The following MEGF6 variants were observed in gnomAD, a reference collection of about 807,000 sequenced individuals.
MEGF6 encodes multiple EGF like domains 6, also known as multiple epidermal growth factor-like domains protein 6.
A neutral mutation model predicts 207.1 loss-of-function variants in MEGF6; 184 were observed. The observed-to-expected ratio is 0.89, with a 90% CI of 0.79 to 1.00. The LOEUF (loss-of-function observed/expected upper bound fraction) is 1.00. MEGF6 is among the 50% of genes least tolerant of loss of function. The pLI is 0.00. For synonymous variants in MEGF6, 1,038 were observed against 910.0 expected (o/e 1.14, Z -2.53); for missense variants, 2,282 against 2,202.9 (o/e 1.04, Z -0.72).
At chr1:3,491,370 G>C (rs373652815) in intron 35 of MEGF6, among the ~76,000 whole-genome samples, 23 of 152,110 alleles carry the variant, frequency 1.5e-4, no homozygotes, top group African/African-American at 5.5e-4. Context: ...GCCGGCAGCC[G>C]GCGGTGCAGT....
At chr1:3,497,383 G>T in intron 26 of MEGF6, 22 bp from the exon 27 acceptor site, 1 of 1,515,740 alleles carries the variant, frequency 6.6e-7, no homozygotes, top group East Asian at 2.4e-5. Context: ...TGAGGGCTGC[G>T]GAGGCTTCTA....
intron 5 of MEGF6, among the ~76,000 whole-genome samples, chr1:3,516,329 G>C (rs530687378): frequency 7.8e-4 from 119 of 152,356 alleles, no homozygotes; most frequent in African/African-American, 2.6e-3. Context: ...CCTCAGCGGG[G>C]GTTTGGTTAC....
intron 21 of MEGF6, 54 bp downstream of exon 21, chr1:3,500,579 G>A (rs760074431): frequency 2.1e-5 from 32 of 1,514,178 alleles, no homozygotes; most frequent in Non-Finnish European, 2.7e-5. Context: ...GTGTGCATAT[G>A]TGTGCGTGTG....
intron 4 of MEGF6, among the ~76,000 whole-genome samples, chr1:3,578,528 A>T (rs1643703745): frequency 7.4e-6 from 1 of 135,782 alleles, no homozygotes. Flanking sequence ...ATGACAGGGC[A>T]GGGGCCCTGG....
intron 21 of MEGF6, 69 bp downstream of exon 21, chr1:3,500,564 T>G: frequency 6.7e-7 from 1 of 1,484,206 alleles, no homozygotes; most frequent in Non-Finnish European, 9.0e-7. Context: ...TTTGTGTGTG[T>G]GCACGTGTGC....
At chr1:3,607,579 A>G (rs2821021) in intron 1 of MEGF6, among the ~76,000 whole-genome samples, 53,280 of 152,060 alleles carry the variant, frequency 0.35, 9,619 homozygotes, top group African/African-American at 0.42. Context: ...GAGGATGGAG[A>G]AGGTGGCAGG....
intron 1 of MEGF6, among the ~76,000 whole-genome samples, chr1:3,605,569 C>A (rs1213817481): frequency 6.6e-6 from 1 of 151,170 alleles, no homozygotes; most frequent in Non-Finnish European, 1.5e-5. Context: ...CATACACTCA[C>A]ATACACACAC....
chr1:3,614,020 T>G (rs371970039), upstream of MEGF6, among the ~76,000 whole-genome samples: 331 of 152,326 alleles, frequency 2.2e-3, 2 homozygotes, highest in African/African-American at 7.6e-3. Context: ...TGGAAATCCC[T>G]GCGGTCAGGA....
At chr1:3,599,173 G>A (rs1423278864) in intron 2 of MEGF6, among the ~76,000 whole-genome samples, 1 of 152,236 alleles carries the variant, frequency 6.6e-6, no homozygotes, top group Admixed American at 6.5e-5. Flanking sequence ...GCCTGGGGAG[G>A]GGGCTCATCT....
rs1356065763 is a variant in MEGF6, at chr1:3,507,979, C to A, written c.1661-56G>T. ...CACCAGCCAGCACGACACTCTGAGA[C>A]CCCTTCCTAGGGTTGGAGGCTTGGG... On this transcript the variant is annotated intron_variant, in intron 13 of 36. Transcript: ENST00000356575. The A allele has an allele frequency of 1.8e-5, 29 of 1,576,886 alleles. No individual in the cohort carries two copies. In the East Asian group the frequency reaches 5.2e-4, roughly 28 times the overall value.
At chr1:3,529,985 T>C (rs747939506) in intron 4 of MEGF6, among the ~76,000 whole-genome samples, 3 of 152,184 alleles carry the variant, frequency 2.0e-5, no homozygotes, top group South Asian at 4.1e-4. Flanking sequence ...CCATTACCTA[T>C]GGGCCCTTCT....
rs1643313770 is a variant in MEGF6, at chr1:3,565,339, C to T, written c.481+14486G>A. ...AGACCCCACTCTGCCCCAGAGTTCA[C>T]CAAGTTCCCTTCCTAGCTGGACCTT... On this transcript the variant is annotated intron_variant, in intron 4 of 36. Transcript: ENST00000356575. This position sits in a 1 kb window ranked among gnomAD's most constrained non-coding sequence, Gnocchi z 4.8. Among the ~76,000 whole-genome samples the T allele has an allele frequency of 6.6e-6, 1 of 150,444 alleles. No homozygotes were observed. Among genetic ancestry groups the T allele is most frequent in the South Asian group, 2.1e-4 (1 of 4,828 alleles).
At chr1:3,514,799 G>C in intron 6 of MEGF6, 127 bp from the exon 7 acceptor site, 1 of 1,142,656 alleles carries the variant, frequency 8.8e-7, no homozygotes, top group Non-Finnish European at 1.2e-6. Flanking sequence ...CAGGCTGATG[G>C]GCTGGGCAGC....
Position 3,573,545 on chromosome 1 carries a change from C to G in MEGF6, c.481+6280G>C, listed in dbSNP as rs1423288290. On this transcript the variant is annotated intron_variant, in intron 4 of 36. Transcript: ENST00000356575. This position sits in a 1 kb window ranked among gnomAD's most constrained non-coding sequence, Gnocchi z 5.1. Reference sequence around the variant, plus strand: ...CAGCCCAGGCTGGGGCTGCTGCAGGCTGCAGGCCTCTGGACAAGGTCCCAT... The same window carrying G: ...CAGCCCAGGCTGGGGCTGCTGCAGGGTGCAGGCCTCTGGACAAGGTCCCAT... 1.3e-5 allele frequency among the ~76,000 whole-genome samples: 2 copies of G among 152,222 alleles called. No homozygotes were observed. The highest frequency in any genetic ancestry group is 4.8e-5 in the African/African-American group (2 of 41,454).
At position 3,510,831 on chromosome 1, in the gene MEGF6, C is replaced by T. The variant is rs377032047; in HGVS notation, c.1186G>A (p.Gly396Ser). 147 of 1,610,848 alleles carry T rather than the reference C, an allele frequency of 9.1e-5. No homozygotes were observed. Among genetic ancestry groups the T allele is most frequent in the Non-Finnish European group, 1.1e-4 (130 of 1,178,360 alleles). ...CTNNPGGYECGCYAGYRLSAD... is the reference protein window; with the variant it reads ...CTNNPGGYECSCYAGYRLSAD... ...CTGAGCCGGTAGCCGGCGTAGCAGC[C>T]GCACTCGTACCCGCCAGGGTTGTTG... The change falls in exon 10 of 37, where the codon GGC becomes AGC. Residue 396 changes from glycine (G) to serine (S), a missense_variant. Coordinates refer to ENST00000356575, the MANE Select transcript of MEGF6 (RefSeq NM_001409.4).
At chr1:3,553,137 C>G (rs976692285) in intron 4 of MEGF6, among the ~76,000 whole-genome samples, 3 of 152,120 alleles carry the variant, frequency 2.0e-5, no homozygotes, top group African/African-American at 7.2e-5. Context: ...GGCCTTGGAG[C>G]CAGGCTGCCC....
intron 4 of MEGF6, among the ~76,000 whole-genome samples, chr1:3,572,826 CTCCTGGGTGTGCTGGGTCCT>C (rs1643544305): frequency 1.5e-5 from 2 of 135,482 alleles, no homozygotes; most frequent in African/African-American, 2.8e-5. Context: ...GTGCTGGGTT[CTCCTGGGTGTGCTGGGTCCT>C]TCCTGGGTGT....
In MEGF6 at chr1:3,510,908, G is replaced by A. The variant is rs897284316; in HGVS notation, c.1115-6C>T. 1.1e-5 allele frequency: 17 copies of A among 1,597,878 alleles called. No homozygotes were observed. The highest frequency in any genetic ancestry group is 1.3e-5 in the Non-Finnish European group (15 of 1,168,148). On this transcript the variant is annotated splice_region_variant and splice_polypyrimidine_tract_variant and intron_variant, in intron 9 of 36. Coordinates refer to ENST00000356575, the MANE Select transcript of MEGF6 (RefSeq NM_001409.4). Reference sequence around the variant, plus strand: ...GTCTGCACAGTCGTCGACATCTGTGGAGCACACGCCACGGGCCCCCTGGTA... The same window carrying A: ...GTCTGCACAGTCGTCGACATCTGTGAAGCACACGCCACGGGCCCCCTGGTA...
Position 3,494,051 on chromosome 1 carries a change from G to A in MEGF6, c.4203C>T (p.Pro1401=), listed in dbSNP as rs370451402. The A allele has an allele frequency of 1.1e-5, 18 of 1,607,014 alleles. No homozygotes were observed. The highest frequency in any genetic ancestry group is 1.5e-5 in the Non-Finnish European group (18 of 1,177,046). The change falls in exon 33 of 37, where the codon CCC becomes CCT. Residue 1401 remains proline (P), a synonymous_variant. Coordinates refer to ENST00000356575, the MANE Select transcript of MEGF6 (RefSeq NM_001409.4). The part of the protein sequence containing the change: ...CWCQHGAPCD[P]ISGRCLCPAG... ...CAGGGCAGAGGCATCGGCCACTGAT[G>A]GGGTCGCAGGGGGCTCCATGTTGAC...
Sources: gnomAD v4.1 joint callset for allele counts (sites outside exome capture counted in the v4.1 genomes callset) on GRCh38, gnomAD v4.1.1 for gene constraint, Gnocchi (gnomAD v3.1) non-coding constraint, MANE v1.5 for transcripts, NCBI Gene and HGNC (gene_info 2026-07-23, HGNC 2026-07-21) for gene names.